TTC28: variants seen among roughly 807,000 people sequenced by gnomAD.
The protein encoded by TTC28 is tetratricopeptide repeat domain 28.
A neutral mutation model predicts 198.0 loss-of-function variants in TTC28; 61 were observed. The ratio of observed to expected loss-of-function variants is 0.31; its 90% CI spans 0.25 to 0.38. The LOEUF (loss-of-function observed/expected upper bound fraction) is 0.38, where lower values mean the gene tolerates loss of function less well. Among genes scored for constraint, TTC28 ranks in the 10% least tolerant of loss-of-function variants. The pLI is 1.00. For synonymous variants in TTC28, 1,171 were observed against 1,297.8 expected, an observed-to-expected ratio of 0.90 and a Z score of 2.10; for missense variants, 2,678 against 3,164.0, an observed-to-expected ratio of 0.85 and a Z score of 3.69.
intron 2 of TTC28, among the ~76,000 whole-genome samples, chr22:28,334,167 C>A (rs891605896): frequency 2.6e-5 from 4 of 151,978 alleles, no homozygotes; most frequent in South Asian, 2.1e-4. Context: ...CATGTCCCTA[C>A]AAAGGACATG....
chr22:28,288,812 C>CAAA (rs397953776), intron 5 of TTC28, among the ~76,000 whole-genome samples: 1 of 112,814 alleles, frequency 8.9e-6, no homozygotes, highest in Non-Finnish European at 1.8e-5. Flanking sequence ...GACTCCGTTT[C>CAAA]AAAAAAAAAA....
At chr22:28,269,722 A>G (rs1931927399) in intron 5 of TTC28, among the ~76,000 whole-genome samples, 1 of 152,184 alleles carries the variant, frequency 6.6e-6, no homozygotes, top group Non-Finnish European at 1.5e-5. Context: ...GACACTTATG[A>G]AACAGGAGAG....
chr22:28,418,910 A>G (rs2047205537), intron 2 of TTC28, among the ~76,000 whole-genome samples: 1 of 152,204 alleles, frequency 6.6e-6, no homozygotes, highest in South Asian at 2.1e-4. Flanking sequence ...AAACTCATGC[A>G]GAAGGTTATC....
intron 6 of TTC28, among the ~76,000 whole-genome samples, chr22:28,134,973 G>C (rs1019730438): frequency 6.6e-6 from 1 of 152,092 alleles, no homozygotes; most frequent in African/African-American, 2.4e-5. Context: ...CAGATCTTTT[G>C]AGCATCGGTA....
At chr22:28,627,435 CTT>C (rs113850616) in intron 2 of TTC28, among the ~76,000 whole-genome samples, 18 of 138,294 alleles carry the variant, frequency 1.3e-4, no homozygotes, top group Admixed American at 1.5e-4. Context: ...TTTTCTTTTT[CTT>C]TTTTTTTTTT....
chr22:28,674,539 G>C (rs2051947189), intron 1 of TTC28, among the ~76,000 whole-genome samples: 1 of 151,998 alleles, frequency 6.6e-6, no homozygotes, highest in Non-Finnish European at 1.5e-5. Flanking sequence ...AAGACCTGTT[G>C]GCTGGAGCAG....
chr22:28,236,379 T>C (rs1348101798), intron 5 of TTC28, among the ~76,000 whole-genome samples: 2 of 152,192 alleles, frequency 1.3e-5, no homozygotes, highest in Non-Finnish European at 2.9e-5. Context: ...ACCGATATTA[T>C]TATTGGTGTT....
intron 18 of TTC28, 119 bp from the exon 19 acceptor site, chr22:27,992,782 A>G (rs1937461695): frequency 3.3e-6 from 3 of 911,076 alleles, no homozygotes; most frequent in South Asian, 1.7e-5. Flanking sequence ...TCAGAAGCTC[A>G]GCACAGCTAG....
chr22:28,464,617 G>A (rs1410873471), intron 2 of TTC28, among the ~76,000 whole-genome samples: 4 of 151,810 alleles, frequency 2.6e-5, no homozygotes, highest in South Asian at 4.2e-4. Flanking sequence ...CACTTTGGAA[G>A]GAAAAAAAAT....
intron 12 of TTC28, among the ~76,000 whole-genome samples, chr22:28,062,128 A>G (rs1601576651): frequency 6.6e-6 from 1 of 151,826 alleles, no homozygotes. Flanking sequence ...GCTCACTGCA[A>G]CCTCTGCCTC....
At chr22:28,151,522 A>AAATAGC (rs1349046827) in intron 6 of TTC28, among the ~76,000 whole-genome samples, 2 of 152,214 alleles carry the variant, frequency 1.3e-5, no homozygotes, top group African/African-American at 4.8e-5. Flanking sequence ...AGCTCCTTTT[A>AAATAGC]AATAGCAATG....
chr22:28,228,246 C>G (rs1928499868), intron 5 of TTC28, among the ~76,000 whole-genome samples: 1 of 151,680 alleles, frequency 6.6e-6, no homozygotes, highest in Admixed American at 6.6e-5. Flanking sequence ...TTAATAGGCA[C>G]AAAATTCAAG....
intron 2 of TTC28, among the ~76,000 whole-genome samples, chr22:28,404,354 A>G (rs5762604): frequency 0.27 from 41,178 of 152,006 alleles, 6,978 homozygotes; most frequent in Middle Eastern, 0.4. Flanking sequence ...TCCTGACCTC[A>G]TGATCCGCCC....
intron 2 of TTC28, among the ~76,000 whole-genome samples, chr22:28,429,613 CCAT>C (rs748232370): frequency 5.3e-5 from 8 of 151,890 alleles, no homozygotes; most frequent in Non-Finnish European, 1.0e-4. Flanking sequence ...AGACATATGT[CCAT>C]CATTTCTTTT....
chr22:28,001,601 G>C (rs1444914139), intron 14 of TTC28, 48 bp from the exon 15 acceptor site: 1 of 1,531,924 alleles, frequency 6.5e-7, no homozygotes, highest in Non-Finnish European at 8.8e-7. Flanking sequence ...CAGCAGGCAG[G>C]GGTTTCAGGC....
chr22:28,127,456 T>C (rs892284461), intron 6 of TTC28, among the ~76,000 whole-genome samples: 15 of 152,254 alleles, frequency 9.9e-5, no homozygotes, highest in African/African-American at 3.6e-4. Context: ...AAGGAAGTTG[T>C]GCTTTCCTCA....
At chr22:28,004,766 C>G (rs1314312139) in intron 14 of TTC28, among the ~76,000 whole-genome samples, 1 of 152,198 alleles carries the variant, frequency 6.6e-6, no homozygotes, top group African/African-American at 2.4e-5. Context: ...AGCTCTGACT[C>G]TGGTGTATGT....
At chr22:28,269,416 T>C (rs1931903336) in intron 5 of TTC28, among the ~76,000 whole-genome samples, 1 of 152,188 alleles carries the variant, frequency 6.6e-6, no homozygotes, top group Admixed American at 6.5e-5. Flanking sequence ...TTTTGTTCTT[T>C]AGAGTTATTT....
At chr22:28,582,755 C>CA (rs1000691928) in intron 2 of TTC28, among the ~76,000 whole-genome samples, 39 of 150,300 alleles carry the variant, frequency 2.6e-4, no homozygotes, top group Admixed American at 1.8e-3. Context: ...TCATTAAAAA[C>CA]AAAAAAAAAT....
Sources: gnomAD v4.1 joint callset for allele counts (sites outside exome capture counted in the v4.1 genomes callset) on GRCh38, gnomAD v4.1.1 for gene constraint, MANE v1.5 for transcripts, NCBI Gene and HGNC (gene_info 2026-07-23, HGNC 2026-07-21) for gene names.